Variants in ARHGEF38 observed in about 807,000 individuals in gnomAD.
The protein encoded by ARHGEF38 is Rho guanine nucleotide exchange factor 38.
A neutral mutation model predicts 79.9 loss-of-function variants in ARHGEF38; 79 were observed. The ratio of observed to expected loss-of-function variants is 0.99; its 90% CI spans 0.82 to 1.19. The LOEUF (loss-of-function observed/expected upper bound fraction) is 1.19, where lower values mean the gene tolerates loss of function less well. Among genes scored for constraint, ARHGEF38 ranks in the 50% most tolerant of loss-of-function variants. The pLI, the probability that ARHGEF38 is intolerant of heterozygous loss-of-function variation, is 0.00. For synonymous variants in ARHGEF38, 366 were observed against 328.3 expected (o/e 1.11, Z -1.24); for missense variants, 962 against 907.2 (o/e 1.06, Z -0.78).
chr4:105,659,010 G>A, intron 9 of ARHGEF38, 44 bp from the exon 10 acceptor site: 2 of 1,483,436 alleles, frequency 1.3e-6, no homozygotes, highest in Non-Finnish European at 1.8e-6. Context: ...ACAAGGTATG[G>A]GCTGATCCTC....
Position 105,552,765 on chromosome 4 carries a change from T to C in ARHGEF38, c.-1T>C, listed in dbSNP as rs757174787. On this transcript the variant is annotated 5_prime_UTR_variant, in exon 1 of 14. Transcript: ENST00000420470. ...GCCTCCAAAGCTTGTCTTTGCCTAA[T>C]ATGGAGCCCAAAGAAGCCACTGGGA... is the stretch of plus-strand genomic sequence containing the variant. 2 of 1,607,204 alleles carry C rather than the reference T, an allele frequency of 1.2e-6. No homozygotes were observed. The highest frequency in any genetic ancestry group is 8.5e-7 in the Non-Finnish European group (1 of 1,177,478).
At chr4:105,590,685 A>C (rs1727294550) in intron 2 of ARHGEF38, among the ~76,000 whole-genome samples, 1 of 152,168 alleles carries the variant, frequency 6.6e-6, no homozygotes, top group African/African-American at 2.4e-5. Flanking sequence ...TGTTAGGTCA[A>C]AGGGTATGCA....
chr4:105,675,815 A>T lies in ARHGEF38; in HGVS notation c.2149-1937A>T, dbSNP rs762849630. ...GATGGCACCTTCTCATTGGGCCCTC[A>T]CATGGTGGAAGGGGTGAAGAGTCTC... On this transcript the variant is annotated intron_variant, in intron 13 of 13. Transcript: ENST00000420470. 4.5e-4 allele frequency among the ~76,000 whole-genome samples: 69 copies of T among 152,222 alleles called. 1 individual carries two copies. Among genetic ancestry groups the T allele is most frequent in the Middle Eastern group, 3.2e-3 (1 of 316 alleles).
chr4:105,676,582 A>G (rs1040167231), intron 13 of ARHGEF38, among the ~76,000 whole-genome samples: 2 of 152,230 alleles, frequency 1.3e-5, no homozygotes, highest in African/African-American at 2.4e-5. Context: ...TGCCATAACT[A>G]AACATTTTTA....
chr4:105,559,538 C>A (rs541188889), intron 1 of ARHGEF38, among the ~76,000 whole-genome samples: 2 of 151,972 alleles, frequency 1.3e-5, no homozygotes, highest in Non-Finnish European at 2.9e-5. Flanking sequence ...TGGTCCCCTG[C>A]CAAATTTTGG....
chr4:105,596,140 G>A lies in ARHGEF38; in HGVS notation c.384+6705G>A, dbSNP rs17035901. On this transcript the variant is annotated intron_variant, in intron 2 of 13. Coordinates refer to ENST00000420470, the MANE Select transcript of ARHGEF38 (RefSeq NM_001242729.2). Reference sequence around the variant, plus strand: ...ATCAGTCATACCTAGGTTAGCAGTGGGCTGTTTCAATGTCAGGATGGTGGG... The same window carrying A: ...ATCAGTCATACCTAGGTTAGCAGTGAGCTGTTTCAATGTCAGGATGGTGGG... Among the ~76,000 whole-genome samples, 903 of 152,232 alleles carry A rather than the reference G, an allele frequency of 5.9e-3. 8 individuals are homozygous for A. Among genetic ancestry groups the A allele is most frequent in the African/African-American group, 0.021 (874 of 41,532 alleles).
intron 3 of ARHGEF38, among the ~76,000 whole-genome samples, 182 bp from the exon 4 acceptor site, chr4:105,630,716 G>C (rs550132222): frequency 1.3e-5 from 2 of 152,104 alleles, no homozygotes; most frequent in South Asian, 2.1e-4. Context: ...AGCAGGGAGA[G>C]AAGGAAAAAG....
At chr4:105,599,352 T>G (rs1325440132) in intron 2 of ARHGEF38, among the ~76,000 whole-genome samples, 14 of 152,134 alleles carry the variant, frequency 9.2e-5, no homozygotes, top group Admixed American at 9.2e-4. Context: ...CTGGACCAAG[T>G]GAGGATAAAA....
Position 105,651,394 on chromosome 4 carries a change from G to C in ARHGEF38, c.1009-2671G>C, listed in dbSNP as rs149936064. Among the ~76,000 whole-genome samples the C allele has an allele frequency of 3.5e-3, 539 of 152,284 alleles. 1 individual carries two copies. The highest frequency in any genetic ancestry group is 0.013 in the African/African-American group (522 of 41,558). ...GTTAGGGTATAAAGCTATTACCGAA[G>C]AGGAAGATTCTATTCAATTCATCAT... On this transcript the variant is annotated intron_variant, in intron 7 of 13. Transcript: ENST00000420470.
chr4:105,648,168 G>A (rs1312709733), intron 6 of ARHGEF38, among the ~76,000 whole-genome samples: 1 of 152,104 alleles, frequency 6.6e-6, no homozygotes, highest in African/African-American at 2.4e-5. Context: ...GATTACAGGT[G>A]TGAGCCACCG....
chr4:105,597,056 T>C (rs1727614595), intron 2 of ARHGEF38, among the ~76,000 whole-genome samples: 1 of 152,156 alleles, frequency 6.6e-6, no homozygotes, highest in Non-Finnish European at 1.5e-5. Context: ...GACCCCCAAC[T>C]TGTCCATAAC....
At chr4:105,674,229 G>T (rs760857677) in intron 13 of ARHGEF38, among the ~76,000 whole-genome samples, 14 of 152,088 alleles carry the variant, frequency 9.2e-5, no homozygotes, top group Non-Finnish European at 1.8e-4. Flanking sequence ...TATAAAAAAA[G>T]TAAGTGTGGT....
chr4:105,666,057 A>G (rs1419610236), intron 10 of ARHGEF38, 120 bp from the exon 11 acceptor site: 1 of 829,490 alleles, frequency 1.2e-6, no homozygotes, highest in Non-Finnish European at 1.6e-6. Context: ...AAGTTGCCCT[A>G]ACTTTTCACA....
intron 5 of ARHGEF38, among the ~76,000 whole-genome samples, chr4:105,640,412 T>C (rs1300735151): frequency 1.3e-5 from 2 of 152,168 alleles, no homozygotes; most frequent in African/African-American, 4.8e-5. Context: ...TAACAATTAA[T>C]GCCAAACTCA....
chr4:105,641,518 G>A (rs2110533435), intron 5 of ARHGEF38, among the ~76,000 whole-genome samples: 1 of 151,938 alleles, frequency 6.6e-6, no homozygotes, highest in Admixed American at 6.6e-5. Flanking sequence ...AATTGACTTA[G>A]GTATTTTAAA....
At chr4:105,602,454 T>C (rs1391379445) in intron 2 of ARHGEF38, among the ~76,000 whole-genome samples, 1 of 151,956 alleles carries the variant, frequency 6.6e-6, no homozygotes, top group East Asian at 1.9e-4. Context: ...TTTGGGGAAA[T>C]AGGAAATAAA....
At chr4:105,581,958 G>A (rs767721917) in intron 1 of ARHGEF38, among the ~76,000 whole-genome samples, 1 of 151,984 alleles carries the variant, frequency 6.6e-6, no homozygotes, top group Non-Finnish European at 1.5e-5. Context: ...GAGGTCAGGA[G>A]CTCGAGACCA....
intron 2 of ARHGEF38, among the ~76,000 whole-genome samples, chr4:105,591,321 C>A (rs1405966905): frequency 1.3e-5 from 2 of 152,108 alleles, no homozygotes; most frequent in African/African-American, 2.4e-5. Context: ...CTCCGCCTCC[C>A]GGGTTCATGC....
At chr4:105,573,222 C>T (rs773839634) in intron 1 of ARHGEF38, among the ~76,000 whole-genome samples, 3 of 152,070 alleles carry the variant, frequency 2.0e-5, no homozygotes, top group Non-Finnish European at 4.4e-5. Flanking sequence ...TTCTGATGCA[C>T]AAACTTTAAA....
Sources: allele counts gnomAD v4.1 joint callset (sites outside exome capture counted in the v4.1 genomes callset), GRCh38; gene constraint gnomAD v4.1.1; transcripts MANE v1.5; gene names NCBI Gene and HGNC (gene_info 2026-07-23, HGNC 2026-07-21).